EFR3A: variants seen among roughly 807,000 people sequenced by gnomAD.
EFR3A encodes protein EFR3 homolog A.
Under a neutral mutation model 104.4 loss-of-function variants are expected in EFR3A, and 76 were observed. The observed-to-expected ratio is 0.73, with a 90% confidence interval of 0.60 to 0.88. The LOEUF (loss-of-function observed/expected upper bound fraction) is 0.88, where lower values mean the gene tolerates loss of function less well. Among genes scored for constraint, EFR3A ranks in the 40% least tolerant of loss-of-function variants. The pLI, the probability that EFR3A is intolerant of heterozygous loss-of-function variation, is 0.00. For synonymous variants in EFR3A, 330 were observed against 330.0 expected, an observed-to-expected ratio of 1.00 and a Z score of 0.00; for missense variants, 985 against 1,012.5, an observed-to-expected ratio of 0.97 and a Z score of 0.37.
chr8:131,956,124 T>A (rs1175172122), intron 7 of EFR3A, among the ~76,000 whole-genome samples: 2 of 152,208 alleles, frequency 1.3e-5, no homozygotes, highest in Non-Finnish European at 2.9e-5. Context: ...TGAAGTGTAA[T>A]AATGTGTTAA....
chr8:131,997,658 C>A (rs1348129005), intron 19 of EFR3A, among the ~76,000 whole-genome samples: 1 of 151,992 alleles, frequency 6.6e-6, no homozygotes, highest in Non-Finnish European at 1.5e-5. Flanking sequence ...CACTCCTTAC[C>A]AGTAAGAAGA....
rs1426675857 is a variant in EFR3A at position 132,011,055 on chromosome 8, A to C, written c.*160A>C. The C allele has an allele frequency of 3.9e-6, 5 of 1,279,614 alleles. No individual in the cohort carries two copies. The highest frequency in any genetic ancestry group is 5.0e-6 in the Non-Finnish European group (5 of 1,006,918). 79.3% of individuals were successfully genotyped at this position (1,279,614 alleles called of 1,614,324 possible). ...TGGCATACCATATTAGAAGTTTTGG[A>C]GCTATATATAATTTCGAGTACTTTC... On this transcript the variant is annotated 3_prime_UTR_variant, in exon 23 of 23. Coordinates refer to ENST00000254624, the MANE Select transcript of EFR3A (RefSeq NM_015137.6).
chr8:131,963,474 A>G (rs1819518685), intron 8 of EFR3A, among the ~76,000 whole-genome samples: 1 of 152,224 alleles, frequency 6.6e-6, no homozygotes, highest in African/African-American at 2.4e-5. Context: ...AATCTAGAAG[A>G]AATAGTTAAA....
intron 22 of EFR3A, among the ~76,000 whole-genome samples, chr8:132,006,140 AGAGAT>A (rs1822039175): frequency 1.3e-5 from 2 of 152,176 alleles, no homozygotes; most frequent in African/African-American, 4.8e-5. Flanking sequence ...TGCAAAGAAG[AGAGAT>A]CTGAAAGCAG....
chr8:132,011,054 G>A lies in EFR3A; in HGVS notation c.*159G>A. Reference sequence around the variant, plus strand: ...TTGGCATACCATATTAGAAGTTTTGGAGCTATATATAATTTCGAGTACTTT... The same window carrying A: ...TTGGCATACCATATTAGAAGTTTTGAAGCTATATATAATTTCGAGTACTTT... On this transcript the variant is annotated 3_prime_UTR_variant, in exon 23 of 23. Coordinates refer to ENST00000254624, the MANE Select transcript of EFR3A (RefSeq NM_015137.6). 7.8e-7 allele frequency: 1 copy of A among 1,283,006 alleles called. No individual in the cohort carries two copies. The highest frequency in any genetic ancestry group is 2.4e-4 in the Middle Eastern group (1 of 4,090). 79.5% of individuals were successfully genotyped at this position (1,283,006 alleles called of 1,614,324 possible).
chr8:131,967,822 A>C (rs909947258), intron 8 of EFR3A, among the ~76,000 whole-genome samples: 16 of 152,020 alleles, frequency 1.1e-4, no homozygotes, highest in Non-Finnish European at 2.4e-4. Context: ...TAGCATTGTT[A>C]GGTGTCCATG....
chr8:131,963,759 A>G (rs1186522704), intron 8 of EFR3A, among the ~76,000 whole-genome samples: 2 of 152,196 alleles, frequency 1.3e-5, no homozygotes, highest in Non-Finnish European at 2.9e-5. Flanking sequence ...CCTGGCAGAG[A>G]CACATCAAAA....
rs1287664445 is a variant in EFR3A, at chr8:131,963,487, C to T, written c.855+3824C>T. On this transcript the variant is annotated intron_variant, in intron 8 of 22. Coordinates refer to ENST00000254624, the MANE Select transcript of EFR3A (RefSeq NM_015137.6). ...AAAATCTAGAAGAAATAGTTAAATT[C>T]CTGGACACACACACCCTCACAAGAC... 3.9e-5 allele frequency among the ~76,000 whole-genome samples: 6 copies of T among 152,150 alleles called. No individual in the cohort carries two copies. In the East Asian group the frequency reaches 7.7e-4, roughly 20 times the overall value.
intron 1 of EFR3A, among the ~76,000 whole-genome samples, chr8:131,912,442 A>C (rs1012752083): frequency 6.6e-6 from 1 of 152,218 alleles, no homozygotes; most frequent in Non-Finnish European, 1.5e-5. Flanking sequence ...GGTCTCTTAG[A>C]TTACCAAAAG....
At chr8:131,925,749 A>G (rs1817264330) in intron 1 of EFR3A, among the ~76,000 whole-genome samples, 1 of 152,134 alleles carries the variant, frequency 6.6e-6, no homozygotes, top group African/African-American at 2.4e-5. Context: ...GAGTGCTTTT[A>G]GGTAAAGTTG....
chr8:131,966,156 CAT>C (rs1322382848), intron 8 of EFR3A, among the ~76,000 whole-genome samples: 1 of 152,070 alleles, frequency 6.6e-6, no homozygotes, highest in Non-Finnish European at 1.5e-5. Flanking sequence ...CACATGTATA[CAT>C]ATGTCACAAA....
chr8:131,996,798 A>G (rs919817710), intron 19 of EFR3A, among the ~76,000 whole-genome samples: 5 of 152,064 alleles, frequency 3.3e-5, no homozygotes, highest in African/African-American at 9.6e-5. Flanking sequence ...TTTTGCTAAG[A>G]AACTTTATAC....
chr8:131,965,725 G>T (rs1210117031), intron 8 of EFR3A, among the ~76,000 whole-genome samples: 1 of 151,798 alleles, frequency 6.6e-6, no homozygotes, highest in Non-Finnish European at 1.5e-5. Context: ...ATACCCAAAG[G>T]ATTGTAAATC....
chr8:131,977,432 C>G (rs1820382231), intron 12 of EFR3A, among the ~76,000 whole-genome samples: 1 of 152,116 alleles, frequency 6.6e-6, no homozygotes, highest in Non-Finnish European at 1.5e-5. Flanking sequence ...GACTTGAAAT[C>G]CAAAGTTCTT....
chr8:131,940,474 T>A, intron 1 of EFR3A, 25 bp from the exon 2 acceptor site: 1 of 1,536,988 alleles, frequency 6.5e-7, no homozygotes, highest in Non-Finnish European at 8.7e-7. Context: ...ATATCTGTAT[T>A]TCTTGATTTT....
Position 131,979,467 on chromosome 8 carries a change from C to T in EFR3A, c.1575+46C>T, listed in dbSNP as rs200345868. 22 of 1,320,364 alleles carry T rather than the reference C, an allele frequency of 1.7e-5. No homozygotes were observed. In the African/African-American group the frequency reaches 2.2e-4, roughly 13 times the overall value. The allele number at this position is 1,320,364 out of a possible 1,614,324, so 81.8% of individuals were successfully genotyped here. Reference sequence around the variant, plus strand: ...ATAAATGTGTAGTGTAAATTACAGCCGTTTGAATTGTTAGGTGGTTTTATA... The same window carrying T: ...ATAAATGTGTAGTGTAAATTACAGCTGTTTGAATTGTTAGGTGGTTTTATA... On this transcript the variant is annotated intron_variant, in intron 14 of 22. Coordinates refer to ENST00000254624, the MANE Select transcript of EFR3A (RefSeq NM_015137.6).
In EFR3A at chr8:131,944,870, T is replaced by C; in HGVS notation, c.213T>C (p.Ser71=). The C allele has an allele frequency of 6.2e-7, 1 of 1,607,052 alleles. No homozygotes were observed. Among genetic ancestry groups the C allele is most frequent in the South Asian group, 1.1e-5 (1 of 89,302 alleles). ...GCAGGGATGTTGTCAGACATCGTTC[T>C]GGGTAAGGAAACTAATGGCTGCTAA... ...RLSRDVVRHR[S]GYVLIAMEAL... is the part of the protein sequence containing the mutation. Residue 71 remains serine, a splice_region_variant and synonymous_variant, in exon 3 of 23, where the codon TCT becomes TCC. Transcript: ENST00000254624.
intron 1 of EFR3A, among the ~76,000 whole-genome samples, chr8:131,913,549 G>A (rs1816619401): frequency 6.6e-6 from 1 of 152,022 alleles, no homozygotes; most frequent in South Asian, 2.1e-4. Flanking sequence ...CAGTCTTTAA[G>A]AGGAATTCTG....
At chr8:132,002,399 AT>A (rs1359609867) in intron 20 of EFR3A, among the ~76,000 whole-genome samples, 1 of 152,020 alleles carries the variant, frequency 6.6e-6, no homozygotes, top group African/African-American at 2.4e-5. Context: ...TAACCCTTAG[AT>A]TTTTTTGGGT....
Sources: allele counts gnomAD v4.1 joint callset (sites outside exome capture counted in the v4.1 genomes callset), GRCh38; gene constraint gnomAD v4.1.1; transcripts MANE v1.5; gene names NCBI Gene and HGNC (gene_info 2026-07-23, HGNC 2026-07-21).